The following IPO9 variants were observed in gnomAD, a reference collection of about 807,000 sequenced individuals.
IPO9 encodes the protein importin-9.
IPO9 carries 28 observed loss-of-function variants against 128.6 expected under a neutral mutation model. The observed-to-expected ratio is 0.22, with a 90% CI of 0.16 to 0.30. The LOEUF is 0.30. Among genes scored for constraint, IPO9 ranks in the 10% least tolerant of loss-of-function variants. The pLI is 1.00. For synonymous variants in IPO9, 455 were observed against 475.8 expected (o/e 0.96, Z 0.57); for missense variants, 935 against 1,293.9 (o/e 0.72, Z 4.26).
rs759659306 is a variant in IPO9, at chr1:201,847,315, C to A, written c.200C>A (p.Pro67His). The stretch of plus-strand genomic sequence containing the variant: ...CACTTGGCAGAACTGACTGTAGATC[C>A]CCAGGGGGCACTGGCAATCCGTCAG... ...GVHLAELTVD[P>H]QGALAIRQLA... The change falls in exon 2 of 24, where the codon CCC (proline) becomes CAC (histidine). Residue 67 changes from proline (P) to histidine (H), a missense_variant. Pro to His is a moderately conservative substitution (Grantham distance 77). Around this residue, in one of 3 missense-constraint regions of IPO9, gnomAD observed 741 missense variants for 1,019.1 expected, o/e 0.73. Transcript: ENST00000361565. 1.2e-6 allele frequency: 2 copies of A among 1,613,778 alleles called. No homozygotes were observed. Among genetic ancestry groups the A allele is most frequent in the Non-Finnish European group, 1.7e-6 (2 of 1,179,904 alleles).
intron 13 of IPO9, among the ~76,000 whole-genome samples, 186 bp downstream of exon 13, chr1:201,859,180 A>AATAAATATAT (rs371428335): frequency 0.039 from 3,252 of 83,328 alleles, 308 homozygotes; most frequent in African/African-American, 0.059. Context: ...CTCAAAGTAT[A>AATAAATATAT]ATATATATAT....
intron 1 of IPO9, among the ~76,000 whole-genome samples, chr1:201,831,758 A>T (rs957821426): frequency 6.6e-6 from 1 of 152,192 alleles, no homozygotes; most frequent in Non-Finnish European, 1.5e-5. Flanking sequence ...TTAGCCAACT[A>T]TCTGGCCTGA....
intron 16 of IPO9, 28 bp downstream of exon 16, chr1:201,868,824 TGTG>T: frequency 6.3e-7 from 1 of 1,577,564 alleles, no homozygotes; most frequent in Non-Finnish European, 8.6e-7. Flanking sequence ...TGTGTGTGTG[TGTG>T]TGAGAGAGAT....
intron 1 of IPO9, among the ~76,000 whole-genome samples, chr1:201,839,713 C>T (rs1680001989): frequency 6.6e-6 from 1 of 151,270 alleles, no homozygotes; most frequent in Non-Finnish European, 1.5e-5. Flanking sequence ...TAGAGGAAAA[C>T]ATGGGTGATT....
chr1:201,874,717 A>T, intron 21 of IPO9, 115 bp from the exon 22 acceptor site: 1 of 732,402 alleles, frequency 1.4e-6, no homozygotes, highest in Non-Finnish European at 2.4e-6. Flanking sequence ...TTCACTGGGG[A>T]CTACAAGCCA....
intron 1 of IPO9, among the ~76,000 whole-genome samples, chr1:201,830,426 A>G (rs1364540496): frequency 6.6e-6 from 1 of 152,238 alleles, no homozygotes; most frequent in Non-Finnish European, 1.5e-5. Flanking sequence ...AATTTAGTTT[A>G]CATTCTTTCA....
At position 201,870,997 on chromosome 1, in the gene IPO9, G is replaced by A. The variant is rs1680640624; in HGVS notation, c.2409+139G>A. 3 of 1,308,588 alleles carry A rather than the reference G, an allele frequency of 2.3e-6. No individual in the cohort carries two copies. The highest frequency in any genetic ancestry group is 2.9e-5 in the South Asian group (2 of 69,414). 81.1% of individuals were successfully genotyped at this position (1,308,588 alleles called of 1,614,324 possible). ...AAGTAAAATGGGACCTGTCTGATCTGTTTGGCCTAAGAAACATGGACAAGG... is the reference window on the plus strand; with the variant it reads ...AAGTAAAATGGGACCTGTCTGATCTATTTGGCCTAAGAAACATGGACAAGG... On this transcript the variant is annotated intron_variant, in intron 18 of 23. Transcript: ENST00000361565. The surrounding 1 kb of genome is among the most constrained non-coding windows in gnomAD (Gnocchi z 4.9).
rs536372370 is a variant in IPO9 at position 201,866,946 on chromosome 1, A to G, written c.1842A>G (p.Leu614=). 6 of 1,613,486 alleles carry G rather than the reference A, an allele frequency of 3.7e-6. No individual in the cohort carries two copies. The South Asian group carries it at 5.5e-5, about 15-fold the overall frequency. Residue 614 remains leucine (L), a synonymous_variant, in exon 15 of 24, where the codon CTA becomes CTG. Transcript: ENST00000361565. ...GCCCCTTCACCATCGCCATTTTCCT[A>G]AAGTACAGTAATGGTATGCTGCCAG... ...KICPFTIAIF[L]KYSNDPVVAS...
intron 23 of IPO9, 134 bp from the exon 24 acceptor site, chr1:201,875,810 A>G: frequency 1.5e-6 from 1 of 688,946 alleles, no homozygotes; most frequent in South Asian, 1.7e-5. Context: ...CAAGAACATG[A>G]AAGACCATCC....
At position 201,879,150 on chromosome 1, in the gene IPO9, A is replaced by G. The variant is rs1196588929; in HGVS notation, c.*3096A>G. ...AGCTGATAACACAAGTTACAGACGT[A>G]TATGTGACATTGATTTGGGAGAATG... On this transcript the variant is annotated 3_prime_UTR_variant, in exon 24 of 24. Transcript: ENST00000361565. 6.6e-6 allele frequency: 1 copy of G among 152,250 alleles called. No individual in the cohort carries two copies. Among genetic ancestry groups the G allele is most frequent in the Non-Finnish European group, 1.5e-5 (1 of 68,038 alleles). The allele number at this position is 152,250 out of a possible 1,614,324, so 9.4% of individuals were successfully genotyped here. A position where few individuals can be genotyped will look rare whatever the true frequency, so the allele number is the denominator to read the frequency against.
At chr1:201,851,179 C>T (rs1680208954) in intron 4 of IPO9, among the ~76,000 whole-genome samples, 2 of 133,520 alleles carry the variant, frequency 1.5e-5, no homozygotes, top group Admixed American at 7.7e-5. Flanking sequence ...CCACATGCAG[C>T]TTTTTTTTTT....
At chr1:201,865,972 A>T (rs991090789) in intron 14 of IPO9, among the ~76,000 whole-genome samples, 2 of 152,152 alleles carry the variant, frequency 1.3e-5, no homozygotes, top group Non-Finnish European at 2.9e-5. Flanking sequence ...ATGGTAGATT[A>T]CAGAGTTTGC....
intron 4 of IPO9, chr1:201,850,444 A>G (rs1293885480): frequency 5.3e-5 from 8 of 152,202 alleles, no homozygotes; most frequent in Non-Finnish European, 1.2e-4. Flanking sequence ...TTATCTATTT[A>G]TAGATGAGAA....
Position 201,874,869 on chromosome 1 carries a change from AGAG to A in IPO9, c.2886_2888del (p.Glu962del), listed in dbSNP as rs543977738. ...ATATGTGGGAGGACCAGGAGGAGGA[AGAG>A]GAGGAGGAGGAGGATGGTTTAGCTG... On this transcript the variant is annotated inframe_deletion, in exon 22 of 24. Coordinates refer to ENST00000361565, the MANE Select transcript of IPO9 (RefSeq NM_018085.5). 4.9e-4 allele frequency: 777 copies of A among 1,595,432 alleles called. 2 individuals carry two copies. The highest frequency in any genetic ancestry group is 2.0e-3 in the South Asian group (181 of 90,252).
chr1:201,849,129 A>C (rs1680172305), intron 4 of IPO9, among the ~76,000 whole-genome samples: 1 of 152,244 alleles, frequency 6.6e-6, no homozygotes, highest in Non-Finnish European at 1.5e-5. Flanking sequence ...GAAGATAAAA[A>C]CAGTATAGCC....
intron 1 of IPO9, among the ~76,000 whole-genome samples, chr1:201,836,203 A>T (rs1323505565): frequency 6.6e-6 from 1 of 151,566 alleles, no homozygotes; most frequent in Non-Finnish European, 1.5e-5. Context: ...TTTTTTTTTA[A>T]CAAATATACT....
At chr1:201,853,927 A>G (rs1281447506) in intron 6 of IPO9, among the ~76,000 whole-genome samples, 3 of 152,124 alleles carry the variant, frequency 2.0e-5, no homozygotes, top group Non-Finnish European at 4.4e-5. Flanking sequence ...CAGTAGAGAC[A>G]GGGTTTCACC....
At chr1:201,830,934 T>C (rs1447677573) in intron 1 of IPO9, among the ~76,000 whole-genome samples, 2 of 152,242 alleles carry the variant, frequency 1.3e-5, no homozygotes, top group African/African-American at 4.8e-5. Flanking sequence ...CCAAATGCCA[T>C]GGTCTCATCT....
intron 1 of IPO9, among the ~76,000 whole-genome samples, chr1:201,839,406 G>A (rs150778074): frequency 0.015 from 2,306 of 151,800 alleles, 72 homozygotes; most frequent in African/African-American, 0.053. Flanking sequence ...TCGTAGAGAC[G>A]GGGTTTCACC....
Sources: gnomAD v4.1 joint callset for allele counts (sites outside exome capture counted in the v4.1 genomes callset) on GRCh38, gnomAD v4.1.1 for gene constraint, gnomAD v4.1.1 regional missense constraint, Gnocchi (gnomAD v3.1) non-coding constraint, MANE v1.5 for transcripts, NCBI Gene and HGNC (gene_info 2026-07-23, HGNC 2026-07-21) for gene names.